The following TRPA1 variants were observed in gnomAD, a reference collection of about 807,000 sequenced individuals.
TRPA1 encodes transient receptor potential cation channel subfamily A member 1.
Under a neutral mutation model 131.3 loss-of-function variants are expected in TRPA1, and 129 were observed. The observed-to-expected ratio is 0.98, with a 90% confidence interval of 0.85 to 1.14. TRPA1 has a LOEUF of 1.14. Ranked by LOEUF, TRPA1 falls within the 50% of genes most tolerant of loss-of-function variation. TRPA1 has a pLI of 0.00. For missense variants in TRPA1, 1,304 were observed against 1,354.2 expected (o/e 0.96, Z 0.58); for synonymous variants, 441 against 451.7 (o/e 0.98, Z 0.30).
rs1239332612 is a variant in TRPA1 at position 72,033,627 on chromosome 8, A to C, written c.2868+17T>G. The C allele has an allele frequency of 4.4e-6, 7 of 1,604,910 alleles. No individual in the cohort carries two copies. Among genetic ancestry groups the C allele is most frequent in the Non-Finnish European group, 5.1e-6 (6 of 1,173,486 alleles). On this transcript the variant is annotated intron_variant, in intron 23 of 26. Coordinates refer to ENST00000262209, the MANE Select transcript of TRPA1 (RefSeq NM_007332.3). ...CAAATGATCAACAAACAGAAAATAT[A>C]AGAAAAAACTACTTACAAGTAAATT... is the stretch of plus-strand genomic sequence containing the variant.
chr8:72,057,567 C>T lies in TRPA1; in HGVS notation c.1093+150G>A. ...AATTATTCTAGACATGAAAACTGTT[C>T]TGTTTATTTTTAAATTCACAACACC... On this transcript the variant is annotated intron_variant, in intron 9 of 26. Transcript: ENST00000262209. 7.0e-6 allele frequency: 5 copies of T among 712,426 alleles called. No individual in the cohort carries two copies. In the South Asian group the frequency reaches 7.6e-5, roughly 11 times the overall value. The allele number at this position is 712,426 out of a possible 1,614,324, so 44.1% of individuals were successfully genotyped here.
Position 72,039,780 on chromosome 8 carries a change from G to A in TRPA1, c.2079C>T (p.Asn693=). The change falls in exon 18 of 27, where the codon AAC becomes AAT. Residue 693 remains asparagine, a synonymous_variant. Transcript: ENST00000262209. ...CAGGATGATTGAGAAGCTCTATGCG[G>A]TTATTTTGTACCATTGCCTGAGAAA... ...LTALNAMVQN[N]RIELLNHPVC... is the part of the protein sequence containing the mutation. 1 of 1,608,656 alleles carries A rather than the reference G, an allele frequency of 6.2e-7. No homozygotes were observed. The highest frequency in any genetic ancestry group is 1.1e-5 in the South Asian group (1 of 90,990).
intron 26 of TRPA1, 152 bp downstream of exon 26, chr8:72,023,662 G>A: frequency 1.7e-6 from 1 of 572,454 alleles, no homozygotes; most frequent in Non-Finnish European, 3.1e-6. Flanking sequence ...TCTAAAAAAT[G>A]TCTCATGACT....
intron 24 of TRPA1, chr8:72,029,609 T>G: frequency 3.9e-6 from 2 of 506,526 alleles, no homozygotes; most frequent in Non-Finnish European, 3.6e-6. Flanking sequence ...TTATGATGTG[T>G]GAAAGTGATG....
At chr8:72,068,273 A>G (rs1805977273) in intron 3 of TRPA1, among the ~76,000 whole-genome samples, 1 of 152,224 alleles carries the variant, frequency 6.6e-6, no homozygotes, top group South Asian at 2.1e-4. Context: ...CTTCTGGAAC[A>G]TGCTCCATTT....
At chr8:72,039,417 C>A (rs916142268) in intron 18 of TRPA1, among the ~76,000 whole-genome samples, 1 of 151,994 alleles carries the variant, frequency 6.6e-6, no homozygotes, top group Non-Finnish European at 1.5e-5. Context: ...ATTTTAGGCT[C>A]TAAAGAGCTT....
rs200400167 is a variant in TRPA1 at position 72,063,561 on chromosome 8, C to G, written c.563G>C (p.Gly188Ala). Residue 188 changes from glycine (G) to alanine (A), a missense_variant, in exon 5 of 27, where the codon GGA (glycine) becomes GCA (alanine). By Grantham distance (60) the Gly-to-Ala change is moderately conservative (BLOSUM62 0). Transcript: ENST00000262209. ...SEALQILLKK[G>A]AKPCKSNKWG... is the part of the protein sequence containing the mutation. ...TTTATTTGATTTACATGGCTTAGCT[C>G]CTTTTTTAAGCTGGAAGAAAAGACA... 2.5e-6 allele frequency: 4 copies of G among 1,611,334 alleles called. No individual in the cohort carries two copies. The African/African-American group carries it at 5.3e-5, about 22-fold the overall frequency.
intron 1 of TRPA1, 151 bp from the exon 2 acceptor site, chr8:72,072,018 TACGGAC>T: frequency 1.4e-6 from 1 of 734,712 alleles, no homozygotes; most frequent in South Asian, 1.8e-5. Flanking sequence ...ACAAAATGTT[TACGGAC>T]ACAAAGAAGG....
intron 1 of TRPA1, among the ~76,000 whole-genome samples, chr8:72,073,625 T>TA (rs1255692936): frequency 1.3e-5 from 2 of 152,210 alleles, no homozygotes; most frequent in African/African-American, 2.4e-5. Flanking sequence ...CTAAAAGGCT[T>TA]AAAAAACATA....
At chr8:72,089,324 A>G in the TRPA1 span, among the ~76,000 whole-genome samples, 1 of 152,122 alleles carries the variant, frequency 6.6e-6, no homozygotes, top group Non-Finnish European at 1.5e-5. Context: ...AAAATCTTCT[A>G]TGGTGCAACT....
At chr8:72,080,615 A>G in the TRPA1 span, among the ~76,000 whole-genome samples, 2,063 of 151,550 alleles carry the variant, frequency 0.014, 55 homozygotes, top group African/African-American at 0.047. Context: ...GTTGTCTTCT[A>G]TTTTCTGAAG....
At chr8:72,085,787 T>C in the TRPA1 span, among the ~76,000 whole-genome samples, 1 of 152,192 alleles carries the variant, frequency 6.6e-6, no homozygotes, top group South Asian at 2.1e-4. Flanking sequence ...TCTTTTCATA[T>C]GACTTAAAAA....
In TRPA1 at chr8:72,033,617, CAG is replaced by C. The variant is rs780000915; in HGVS notation, c.2868+25_2868+26del. On this transcript the variant is annotated intron_variant, in intron 23 of 26. Coordinates refer to ENST00000262209, the MANE Select transcript of TRPA1 (RefSeq NM_007332.3). ...TAAAATGTTTCAAATGATCAACAAA[CAG>C]AAAATATAAGAAAAAACTACTTACA... The C allele has an allele frequency of 1.9e-6, 3 of 1,588,670 alleles. No homozygotes were observed. In the African/African-American group the frequency reaches 4.1e-5, roughly 22 times the overall value.
rs1231684034 is a variant in TRPA1 at position 72,033,773 on chromosome 8, T to C, written c.2739A>G (p.Leu913=). 6.2e-7 allele frequency: 1 copy of C among 1,613,788 alleles called. No homozygotes were observed. The highest frequency in any genetic ancestry group is 8.5e-7 in the Non-Finnish European group (1 of 1,179,710). ...AGGACTCTCGATAATTGATATCTCC[T>C]AGCATCATGCTGAAGGTCTGGATTA... The part of the protein sequence containing the change: ...LSIIQTFSMM[L]GDINYRESFL... Residue 913 remains leucine, a synonymous_variant, in exon 23 of 27, where the codon CTA becomes CTG. Coordinates refer to ENST00000262209, the MANE Select transcript of TRPA1 (RefSeq NM_007332.3).
At chr8:72,046,679 G>GA (rs1805335702) in intron 16 of TRPA1, 71 bp from the exon 17 acceptor site, 1 of 787,870 alleles carries the variant, frequency 1.3e-6, no homozygotes, top group South Asian at 1.7e-5. Flanking sequence ...AGTAATTCTT[G>GA]AAAAAATCAA....
chr8:72,033,821 G>A lies in TRPA1; in HGVS notation c.2691C>T (p.Pro897=). The change falls in exon 23 of 27, where the codon CCC becomes CCT. Residue 897 remains proline, a synonymous_variant. Transcript: ENST00000262209. ...SFYILLNLQD[P]FSSPLLSIIQ... is the part of the protein sequence containing the mutation. ...TTATAGAAAGCAATGGAGAGCTGAA[G>A]GGATCCTGAAAGCAGACGGTGAGGT... is the stretch of plus-strand genomic sequence containing the variant. 1 of 1,613,892 alleles carries A rather than the reference G, an allele frequency of 6.2e-7. No homozygotes were observed. Among genetic ancestry groups the A allele is most frequent in the South Asian group, 1.1e-5 (1 of 91,050 alleles).
chr8:72,081,731 C>A, the TRPA1 span, among the ~76,000 whole-genome samples: 1 of 150,286 alleles, frequency 6.7e-6, no homozygotes, highest in Non-Finnish European at 1.5e-5. Flanking sequence ...TCCTTTTTAT[C>A]ATTATGAAAT....
chr8:72,047,192 A>C lies in TRPA1; in HGVS notation c.1921T>G (p.Cys641Gly). The change falls in exon 16 of 27, where the codon TGC becomes GGC. Residue 641 changes from cysteine (C) to glycine (G), a missense_variant. By Grantham distance (159) the Cys-to-Gly change is radical. Coordinates refer to ENST00000262209, the MANE Select transcript of TRPA1 (RefSeq NM_007332.3). ...PECMKVLLDF[C>G]MLHSTEDKSC... ...TTGTCTTCTGTGGAATGCAACATGC[A>C]GAAATCTAAAAGTACCTTTGAAAGA... 6.2e-7 allele frequency: 1 copy of C among 1,611,406 alleles called. No individual in the cohort carries two copies. Among genetic ancestry groups the C allele is most frequent in the South Asian group, 1.1e-5 (1 of 90,980 alleles).
chr8:72,066,727 G>GT (rs551158618), intron 3 of TRPA1, among the ~76,000 whole-genome samples: 41 of 152,122 alleles, frequency 2.7e-4, no homozygotes, highest in African/African-American at 9.6e-4. Context: ...ATGGAAAATA[G>GT]CTACCAAAGT....
Sources: gnomAD v4.1 joint callset for allele counts (sites outside exome capture counted in the v4.1 genomes callset) on GRCh38, gnomAD v4.1.1 for gene constraint, MANE v1.5 for transcripts, NCBI Gene and HGNC (gene_info 2026-07-23, HGNC 2026-07-21) for gene names.